Variants in PCDHGA3 observed in about 807,000 individuals in gnomAD.
PCDHGA3 encodes the protein protocadherin gamma subfamily A, 3.
In PCDHGA3, 40 loss-of-function variants were observed where a neutral mutation model predicts 58.5. That is an observed-to-expected ratio of 0.68 (90% CI 0.53 to 0.89). The LOEUF is 0.89. Among genes scored for constraint, PCDHGA3 ranks in the 40% least tolerant of loss-of-function variants. The pLI is 0.00. For missense variants in PCDHGA3, 1,223 were observed against 1,195.9 expected, an observed-to-expected ratio of 1.02 and a Z score of -0.33; for synonymous variants, 530 against 525.7, an observed-to-expected ratio of 1.01 and a Z score of -0.11.
rs941528168 is a variant in PCDHGA3, at chr5:141,476,433, T to C, written c.2425-18374T>C. 2 of 1,614,094 alleles carry C rather than the reference T, an allele frequency of 1.2e-6. No individual in the cohort carries two copies. The highest frequency in any genetic ancestry group is 2.2e-5 in the East Asian group (1 of 44,856). ...TGTGGGACACTGCCCTCTTGCACTGTAACTCTGGAGTTGGTAGTGGAGAAC... is the reference window on the plus strand; with the variant it reads ...TGTGGGACACTGCCCTCTTGCACTGCAACTCTGGAGTTGGTAGTGGAGAAC... On this transcript the variant is annotated intron_variant, in intron 1 of 3. Coordinates refer to ENST00000253812, the MANE Select transcript of PCDHGA3 (RefSeq NM_018916.4). This position sits in a 1 kb window ranked among gnomAD's most constrained non-coding sequence, Gnocchi z 7.6.
At chr5:141,384,075 T>C in intron 1 of PCDHGA3, 1 of 1,600,788 alleles carries the variant, frequency 6.2e-7, no homozygotes, top group Non-Finnish European at 8.5e-7. Context: ...ACCTACCTTT[T>C]AAATTAGAAA....
chr5:141,363,237 C>T (rs1762851401), intron 1 of PCDHGA3, among the ~76,000 whole-genome samples: 1 of 152,240 alleles, frequency 6.6e-6, no homozygotes, highest in African/African-American at 2.4e-5. Flanking sequence ...ATGTTCACAT[C>T]ATTTTCTACA....
rs764055095 is a variant in PCDHGA3, at chr5:141,385,083, A to G, written c.2424+38626A>G. ...ACAAGTCACGCCTGCTGCAGGCTTC[A>G]GAAGGTGGCTTGGCGAACGTGCCCA... On this transcript the variant is annotated intron_variant, in intron 1 of 3. Coordinates refer to ENST00000253812, the MANE Select transcript of PCDHGA3 (RefSeq NM_018916.4). 18 of 1,614,084 alleles carry G rather than the reference A, an allele frequency of 1.1e-5. No homozygotes were observed. The Admixed American group carries it at 3.0e-4, about 27-fold the overall frequency.
intron 1 of PCDHGA3, chr5:141,389,310 G>A: frequency 6.2e-7 from 1 of 1,614,018 alleles, no homozygotes; most frequent in Non-Finnish European, 8.5e-7. Context: ...CAGGGCTTCT[G>A]ATCCGGACTT....
chr5:141,402,879 C>T, intron 1 of PCDHGA3: 1 of 1,471,232 alleles, frequency 6.8e-7, no homozygotes, highest in Non-Finnish European at 9.0e-7. Flanking sequence ...CCATACTTTG[C>T]AGGGTGGAAG....
Position 141,431,994 on chromosome 5 carries a change from G to A in PCDHGA3, c.2425-62813G>A, listed in dbSNP as rs2097434865. ...TTAGTCACAGACATAGTCTTGGATA[G>A]GGAACAGGTTCCTAGCTACAACATC... On this transcript the variant is annotated intron_variant, in intron 1 of 3. Coordinates refer to ENST00000253812, the MANE Select transcript of PCDHGA3 (RefSeq NM_018916.4). The surrounding 1 kb of genome is among the most constrained non-coding windows in gnomAD (Gnocchi z 4.8). 6.2e-7 allele frequency: 1 copy of A among 1,614,188 alleles called. No homozygotes were observed. Among genetic ancestry groups the A allele is most frequent in the Non-Finnish European group, 8.5e-7 (1 of 1,180,038 alleles).
At chr5:141,403,314 T>C (rs1178188100) in intron 1 of PCDHGA3, 7 of 1,613,856 alleles carry the variant, frequency 4.3e-6, no homozygotes, top group Non-Finnish European at 5.1e-6. Flanking sequence ...GGAATAGAAA[T>C]AGAAGTAACT....
chr5:141,418,111 A>G (rs763834283), intron 1 of PCDHGA3: 19 of 1,613,940 alleles, frequency 1.2e-5, no homozygotes, highest in Non-Finnish European at 1.5e-5. Context: ...GCGGGGACTT[A>G]CTTGTGAAGG....
intron 1 of PCDHGA3, chr5:141,371,624 G>A (rs1429175978): frequency 6.2e-7 from 1 of 1,613,994 alleles, no homozygotes. Context: ...ATGGAGCCCT[G>A]GACCGGGAGC....
chr5:141,460,430 G>T (rs1163518139), intron 1 of PCDHGA3, among the ~76,000 whole-genome samples: 2 of 152,110 alleles, frequency 1.3e-5, no homozygotes, highest in African/African-American at 4.8e-5. Flanking sequence ...ATGGTGTATG[G>T]TGTGAGGTAA....
At chr5:141,426,726 G>A (rs916323483) in intron 1 of PCDHGA3, 2 of 448,052 alleles carry the variant, frequency 4.5e-6, no homozygotes, top group South Asian at 1.6e-5. Flanking sequence ...AGCAATTCCA[G>A]GCATTCGGTT....
intron 1 of PCDHGA3, among the ~76,000 whole-genome samples, chr5:141,445,417 A>C (rs1483224509): frequency 6.6e-6 from 1 of 152,208 alleles, no homozygotes; most frequent in Non-Finnish European, 1.5e-5. Context: ...ACTGTCTGCT[A>C]TATGCAAGGC....
chr5:141,500,350 A>G (rs2099799466), intron 2 of PCDHGA3, among the ~76,000 whole-genome samples: 1 of 151,976 alleles, frequency 6.6e-6, no homozygotes, highest in African/African-American at 2.4e-5. Flanking sequence ...CTGGGACTAC[A>G]GGCGCCCACT....
chr5:141,432,133 C>T lies in PCDHGA3; in HGVS notation c.2425-62674C>T, dbSNP rs1468632362. The stretch of plus-strand genomic sequence containing the variant: ...CGGTCTTCCCTCAGGCCTCCTATTC[C>T]GCTTATATCCCAGAGAACAATCCCA... On this transcript the variant is annotated intron_variant, in intron 1 of 3. Transcript: ENST00000253812. This position sits in a 1 kb window ranked among gnomAD's most constrained non-coding sequence, Gnocchi z 6.0. 9 of 1,614,142 alleles carry T rather than the reference C, an allele frequency of 5.6e-6. No homozygotes were observed. The highest frequency in any genetic ancestry group is 1.6e-4 in the Middle Eastern group (1 of 6,062).
intron 1 of PCDHGA3, among the ~76,000 whole-genome samples, chr5:141,454,065 G>A (rs1167102666): frequency 1.3e-5 from 2 of 152,204 alleles, no homozygotes; most frequent in Non-Finnish European, 2.9e-5. Flanking sequence ...AGAAACAAAA[G>A]TGATAATGTT....
At position 141,476,602 on chromosome 5, in the gene PCDHGA3, C is replaced by T; in HGVS notation, c.2425-18205C>T. 6.2e-7 allele frequency: 1 copy of T among 1,614,208 alleles called. No homozygotes were observed. Among genetic ancestry groups the T allele is most frequent in the Middle Eastern group, 1.6e-4 (1 of 6,062 alleles). Reference sequence around the variant, plus strand: ...TTCCGCTCGAGAGCGCGCACGATCCCGATGTGGGAAGCAACTCTTTACAAA... The same window carrying T: ...TTCCGCTCGAGAGCGCGCACGATCCTGATGTGGGAAGCAACTCTTTACAAA... On this transcript the variant is annotated intron_variant, in intron 1 of 3. Coordinates refer to ENST00000253812, the MANE Select transcript of PCDHGA3 (RefSeq NM_018916.4). The surrounding 1 kb of genome is among the most constrained non-coding windows in gnomAD (Gnocchi z 7.6).
In PCDHGA3 at chr5:141,413,958, G is replaced by A. The variant is rs774080265; in HGVS notation, c.2424+67501G>A. On this transcript the variant is annotated intron_variant, in intron 1 of 3. Coordinates refer to ENST00000253812, the MANE Select transcript of PCDHGA3 (RefSeq NM_018916.4). ...TGAGTGTTCCTGAGAATTTGCCTGT[G>A]GGCACTCAGCTGCTGACAGTCACAG... The A allele has an allele frequency of 5.0e-6, 8 of 1,613,276 alleles. No individual in the cohort carries two copies. In the South Asian group the frequency reaches 6.6e-5, roughly 13 times the overall value.
intron 1 of PCDHGA3, chr5:141,398,937 C>G: frequency 6.2e-7 from 1 of 1,613,902 alleles, no homozygotes; most frequent in Non-Finnish European, 8.5e-7. Context: ...CTGACCAAGA[C>G]GAGGGCATCA....
At chr5:141,442,253 G>A (rs910914393) in intron 1 of PCDHGA3, 2 of 153,064 alleles carry the variant, frequency 1.3e-5, no homozygotes, top group Non-Finnish European at 2.9e-5. Flanking sequence ...TGCATTGTTT[G>A]TGCTGGTTTT....
Sources: gnomAD v4.1 joint callset for allele counts (sites outside exome capture counted in the v4.1 genomes callset) on GRCh38, gnomAD v4.1.1 for gene constraint, Gnocchi (gnomAD v3.1) non-coding constraint, MANE v1.5 for transcripts, NCBI Gene and HGNC (gene_info 2026-07-23, HGNC 2026-07-21) for gene names.